Variants in SPHKAP observed in about 807,000 individuals in gnomAD.
SPHKAP encodes SPHK1 interactor, AKAP domain containing, also known as A-kinase anchor protein SPHKAP.
In SPHKAP, 67 loss-of-function variants were observed where a neutral mutation model predicts 137.5. The observed-to-expected ratio is 0.49, with a 90% confidence interval of 0.40 to 0.60. The LOEUF is 0.60. Among genes scored for constraint, SPHKAP ranks in the 20% least tolerant of loss-of-function variants. The probability of loss-of-function intolerance (pLI) is 0.00; values close to 1 mark genes in which losing one functional copy is unlikely to be tolerated. For missense variants in SPHKAP, 2,097 were observed against 2,069.3 expected (o/e 1.01, Z -0.26); for synonymous variants, 813 against 785.3 (o/e 1.04, Z -0.59).
intron 3 of SPHKAP, among the ~76,000 whole-genome samples, chr2:228,046,136 C>T (rs1696040972): frequency 6.6e-6 from 1 of 151,978 alleles, no homozygotes; most frequent in Non-Finnish European, 1.5e-5. Context: ...AATTAGATTA[C>T]AGTAATCAGT....
intron 3 of SPHKAP, among the ~76,000 whole-genome samples, chr2:228,069,068 A>C (rs1168954397): frequency 6.6e-6 from 1 of 152,146 alleles, no homozygotes; most frequent in South Asian, 2.1e-4. Context: ...GGAGTTCAAG[A>C]CCAGCCTGGC....
chr2:228,059,953 C>T (rs935546572), intron 3 of SPHKAP, among the ~76,000 whole-genome samples: 9 of 152,176 alleles, frequency 5.9e-5, no homozygotes, highest in African/African-American at 2.2e-4. Flanking sequence ...ACCAGATAAG[C>T]TTGACCCTGA....
At chr2:228,129,037 G>GA (rs1171348581) in intron 2 of SPHKAP, among the ~76,000 whole-genome samples, 1 of 152,150 alleles carries the variant, frequency 6.6e-6, no homozygotes, top group African/African-American at 2.4e-5. Flanking sequence ...CCTCTAACAA[G>GA]ATGGTGTGTC....
At chr2:228,095,214 G>C (rs1040274775) in intron 3 of SPHKAP, among the ~76,000 whole-genome samples, 3 of 152,146 alleles carry the variant, frequency 2.0e-5, no homozygotes, top group Non-Finnish European at 4.4e-5. Context: ...GCCACGTGCA[G>C]ATGGGAATAC....
chr2:228,017,632 C>T lies in SPHKAP; in HGVS notation c.3222G>A (p.Arg1074=). ...YPRNRLLSGD[R]WSRLKASSCE... ...AGCTGGAGGCCTTCAGCCGGCTCCA[C>T]CTGTCGCCACTCAGTAACCGATTCC... Residue 1074 remains arginine, a synonymous_variant, in exon 7 of 12, where the codon AGG becomes AGA. Transcript: ENST00000392056. 6.2e-7 allele frequency: 1 copy of T among 1,613,988 alleles called. No homozygotes were observed. Among genetic ancestry groups the T allele is most frequent in the Non-Finnish European group, 8.5e-7 (1 of 1,180,040 alleles).
In SPHKAP at chr2:227,993,619, T is replaced by G; in HGVS notation, c.4636A>C (p.Asn1546His). The G allele has an allele frequency of 6.3e-7, 1 of 1,588,434 alleles. No homozygotes were observed. The highest frequency in any genetic ancestry group is 8.6e-7 in the Non-Finnish European group (1 of 1,166,604). The change falls in exon 9 of 12, where the codon AAT (asparagine) becomes CAT (histidine). Residue 1546 changes from asparagine to histidine, a missense_variant and splice_region_variant. Transcript: ENST00000392056. Reference sequence around the variant, plus strand: ...CTGCTAGTGGCACTACTGTTGCCATTGCTGACAAAGCAAAAGTTTACATAT... The same window carrying G: ...CTGCTAGTGGCACTACTGTTGCCATGGCTGACAAAGCAAAAGTTTACATAT... ...FLQLSERSMS[N>H]GNSSATSSLG...
chr2:228,072,320 TAA>T (rs1407334127), intron 3 of SPHKAP, among the ~76,000 whole-genome samples: 1 of 152,190 alleles, frequency 6.6e-6, no homozygotes, highest in East Asian at 1.9e-4. Flanking sequence ...TTGTCTACTA[TAA>T]GTGTCTACTA....
intron 3 of SPHKAP, among the ~76,000 whole-genome samples, chr2:228,081,699 G>A (rs184590368): frequency 1.6e-4 from 24 of 152,246 alleles, no homozygotes; most frequent in African/African-American, 5.5e-4. Flanking sequence ...GCATAGAAAG[G>A]CAAACACCAC....
intron 2 of SPHKAP, among the ~76,000 whole-genome samples, chr2:228,116,545 A>G (rs909213213): frequency 2.6e-5 from 4 of 152,196 alleles, no homozygotes; most frequent in African/African-American, 9.6e-5. Flanking sequence ...TACTAATGTT[A>G]TATAATTCTC....
At chr2:228,152,123 T>G (rs4416207) in intron 1 of SPHKAP, among the ~76,000 whole-genome samples, 16,602 of 152,232 alleles carry the variant, frequency 0.11, 1,141 homozygotes, top group East Asian at 0.18. Context: ...TTGTTGAGAA[T>G]TGCTTTATTC....
Position 228,018,262 on chromosome 2 carries a change from C to G in SPHKAP, c.2592G>C (p.Thr864=), listed in dbSNP as rs752328841. Residue 864 remains threonine (T), a synonymous_variant, in exon 7 of 12, where the codon ACG becomes ACC. Coordinates refer to ENST00000392056, the MANE Select transcript of SPHKAP (RefSeq NM_001142644.2). ...GGGAACCACTTCTGGACTGGCTGAC[C>G]GTTGGGGACCTTTGTCCTTCGGAAG... ...RASSEGQRSP[T]VSQSRSGSQE... The G allele has an allele frequency of 3.1e-6, 5 of 1,614,110 alleles. No homozygotes were observed. The South Asian group carries it at 4.4e-5, about 14-fold the overall frequency.
chr2:228,065,682 A>G (rs761315918), intron 3 of SPHKAP, among the ~76,000 whole-genome samples: 1 of 152,116 alleles, frequency 6.6e-6, no homozygotes, highest in African/African-American at 2.4e-5. Flanking sequence ...GGTTGTGCAA[A>G]GTGTGGGCTG....
At chr2:228,016,291 A>G in intron 7 of SPHKAP, 115 bp downstream of exon 7, 2 of 1,425,624 alleles carry the variant, frequency 1.4e-6, no homozygotes, top group Non-Finnish European at 9.1e-7. Flanking sequence ...TTTGGTCTTG[A>G]AAATTTAGTT....
rs1700910851 is a variant in SPHKAP, at chr2:228,181,469, G to T, written c.32+98C>A. The T allele has an allele frequency of 6.5e-7, 1 of 1,547,044 alleles. No homozygotes were observed. Among genetic ancestry groups the T allele is most frequent in the Non-Finnish European group, 8.9e-7 (1 of 1,119,202 alleles). ...CCTGTCTCCTCGCTGGGAGCCCCGT[G>T]CAAACCGAAGCGCTCTGGGGCAAGT... On this transcript the variant is annotated intron_variant, in intron 1 of 11. Transcript: ENST00000392056. The surrounding 1 kb of genome is among the most constrained non-coding windows in gnomAD (Gnocchi z 4.3).
chr2:228,111,464 G>T (rs572763846), intron 2 of SPHKAP, among the ~76,000 whole-genome samples: 1 of 152,222 alleles, frequency 6.6e-6, no homozygotes, highest in South Asian at 2.1e-4. Flanking sequence ...TAGAACATTG[G>T]ATGCCTTCTG....
intron 7 of SPHKAP, among the ~76,000 whole-genome samples, chr2:228,013,910 A>ATTCT (rs1694473909): frequency 6.6e-6 from 1 of 152,220 alleles, no homozygotes; most frequent in South Asian, 2.1e-4. Flanking sequence ...ATGACTCCAC[A>ATTCT]TTCTTTCCTG....
At chr2:228,005,684 G>A (rs2106188580) in intron 7 of SPHKAP, among the ~76,000 whole-genome samples, 1 of 152,278 alleles carries the variant, frequency 6.6e-6, no homozygotes, top group African/African-American at 2.4e-5. Flanking sequence ...GCAGTGGCTG[G>A]TACCAGTTGT....
chr2:228,041,912 G>A (rs137863331), intron 3 of SPHKAP, among the ~76,000 whole-genome samples: 1 of 152,192 alleles, frequency 6.6e-6, no homozygotes, highest in African/African-American at 2.4e-5. Context: ...GAATTGTCAG[G>A]TGAGTCTTAG....
intron 3 of SPHKAP, among the ~76,000 whole-genome samples, chr2:228,103,362 A>G (rs748345809): frequency 3.3e-5 from 5 of 152,210 alleles, no homozygotes; most frequent in East Asian, 1.9e-4. Flanking sequence ...GCCTCACTCA[A>G]CTGCCTTGCT....
Sources: gnomAD v4.1 joint callset for allele counts (sites outside exome capture counted in the v4.1 genomes callset) on GRCh38, gnomAD v4.1.1 for gene constraint, Gnocchi (gnomAD v3.1) non-coding constraint, MANE v1.5 for transcripts, NCBI Gene and HGNC (gene_info 2026-07-23, HGNC 2026-07-21) for gene names.